The following CHRNA5 variants were observed in gnomAD, a reference collection of about 807,000 sequenced individuals.
CHRNA5 encodes neuronal acetylcholine receptor subunit alpha-5.
In CHRNA5, 28 loss-of-function variants were observed where a neutral mutation model predicts 41.2. The observed-to-expected ratio is 0.68, with a 90% CI of 0.50 to 0.93. CHRNA5 has a LOEUF of 0.93. Ranked by LOEUF, CHRNA5 falls within the 40% of genes least tolerant of loss-of-function variation. CHRNA5 has a pLI of 0.00. For missense variants in CHRNA5, 481 were observed against 581.9 expected, an observed-to-expected ratio of 0.83 and a Z score of 1.78; for synonymous variants, 188 against 205.8, an observed-to-expected ratio of 0.91 and a Z score of 0.74.
At position 78,590,391 on chromosome 15, in the gene CHRNA5, G is replaced by A. The variant is rs776310455; in HGVS notation, c.1000G>A (p.Ala334Thr). The change falls in exon 5 of 6, where the codon GCT (alanine) becomes ACT (threonine). Residue 334 changes from alanine (A) to threonine (T), a missense_variant. Ala to Thr is a moderately conservative substitution (Grantham distance 58, BLOSUM62 0). Transcript: ENST00000299565. ...ACTGTCAATTATGGTAACCGTCTTC[G>A]CTATCAACATTCATCATCGTTCTTC... 24 of 1,613,936 alleles carry A rather than the reference G, an allele frequency of 1.5e-5. No individual in the cohort carries two copies. The South Asian group carries it at 1.6e-4, about 11-fold the overall frequency.
rs546790850 is a variant in CHRNA5 at position 78,591,861 on chromosome 15, A to C, written c.1245+1225A>C. Among the ~76,000 whole-genome samples, 3 of 152,336 alleles carry C rather than the reference A, an allele frequency of 2.0e-5. No homozygotes were observed. In the South Asian group the frequency reaches 6.2e-4, roughly 32 times the overall value. Reference sequence around the variant, plus strand: ...TATTTGGTGGTAGCATAATGAAATTAGTTTATAAGGTTTGGAGCTATCATT... The same window carrying C: ...TATTTGGTGGTAGCATAATGAAATTCGTTTATAAGGTTTGGAGCTATCATT... On this transcript the variant is annotated intron_variant, in intron 5 of 5. Transcript: ENST00000299565.
chr15:78,586,837 C>A, intron 3 of CHRNA5, 148 bp downstream of exon 3: 1 of 665,314 alleles, frequency 1.5e-6, no homozygotes, highest in East Asian at 2.6e-5. Context: ...TGGCAGGACA[C>A]AGAAAGATGA....
intron 1 of CHRNA5, among the ~76,000 whole-genome samples, chr15:78,566,278 C>T (rs2052746660): frequency 6.6e-6 from 1 of 152,162 alleles, no homozygotes; most frequent in African/African-American, 2.4e-5. Context: ...CCCCTACCCA[C>T]CGCAGCATTT....
intron 1 of CHRNA5, among the ~76,000 whole-genome samples, chr15:78,569,821 G>A (rs147340279): frequency 1.3e-3 from 191 of 150,340 alleles, no homozygotes; most frequent in African/African-American, 4.4e-3. Flanking sequence ...TTTTGTTTTT[G>A]TTTTTGTTTT....
intron 1 of CHRNA5, 44 bp downstream of exon 1, chr15:78,565,869 C>T: frequency 8.8e-7 from 1 of 1,134,544 alleles, no homozygotes; most frequent in Non-Finnish European, 1.1e-6. Context: ...CTGGCCCGGA[C>T]TCCACATCGC....
intron 1 of CHRNA5, among the ~76,000 whole-genome samples, chr15:78,566,606 A>T (rs1038853568): frequency 1.3e-5 from 2 of 152,236 alleles, no homozygotes; most frequent in African/African-American, 4.8e-5. Context: ...GTTAAGCAAG[A>T]TATGATTACA....
At chr15:78,591,376 A>AG (rs1387164361) in intron 5 of CHRNA5, 25 of 151,940 alleles carry the variant, frequency 1.6e-4, no homozygotes, top group African/African-American at 5.5e-4. Context: ...GTCTCAAAAA[A>AG]AAAAAAAAAA....
chr15:78,584,811 G>A (rs988010372), intron 2 of CHRNA5, among the ~76,000 whole-genome samples: 51 of 152,326 alleles, frequency 3.3e-4, no homozygotes, highest in African/African-American at 1.0e-3. Flanking sequence ...CAGATACAGG[G>A]ATCAGCAGTT....
At chr15:78,565,761 G>A in exon 1 of CHRNA5, 1 of 1,213,882 alleles carries the variant, frequency 8.2e-7, no homozygotes, top group Non-Finnish European at 1.0e-6. Flanking sequence ...TCCGCCTGCT[G>A]CTCTTGGTCC....
chr15:78,572,850 C>A (rs2052818945), intron 1 of CHRNA5, among the ~76,000 whole-genome samples: 1 of 151,884 alleles, frequency 6.6e-6, no homozygotes, highest in South Asian at 2.1e-4. Context: ...TGTGAGTGAA[C>A]ATGCATGTAA....
At chr15:78,581,638 G>T (rs969775297) in intron 2 of CHRNA5, among the ~76,000 whole-genome samples, 1 of 152,054 alleles carries the variant, frequency 6.6e-6, no homozygotes, top group African/African-American at 2.4e-5. Context: ...TTTATGTTCT[G>T]ATTACAGAAG....
exon 1 of CHRNA5, chr15:78,565,809 G>A: frequency 1.6e-6 from 2 of 1,221,888 alleles, no homozygotes; most frequent in Non-Finnish European, 2.0e-6. Flanking sequence ...CGGGCGCGGC[G>A]GGCGGCGCGC....
chr15:78,590,778 C>A, intron 5 of CHRNA5, 142 bp downstream of exon 5: 1 of 688,616 alleles, frequency 1.5e-6, no homozygotes, highest in Non-Finnish European at 2.4e-6. Context: ...GACATATTTT[C>A]TATAAAAGAT....
At chr15:78,578,339 C>G (rs987359637) in intron 1 of CHRNA5, among the ~76,000 whole-genome samples, 2 of 152,104 alleles carry the variant, frequency 1.3e-5, no homozygotes, top group South Asian at 4.1e-4. Context: ...GAAACCCCAT[C>G]TCTACTAAAA....
At chr15:78,571,989 T>C (rs1411412949) in intron 1 of CHRNA5, among the ~76,000 whole-genome samples, 5 of 152,172 alleles carry the variant, frequency 3.3e-5, no homozygotes, top group Non-Finnish European at 2.9e-5. Context: ...AGGATTTTTT[T>C]TTCAAAAGAG....
chr15:78,573,861 G>T (rs1443829016), intron 1 of CHRNA5, among the ~76,000 whole-genome samples: 1 of 151,004 alleles, frequency 6.6e-6, no homozygotes, highest in Non-Finnish European at 1.5e-5. Flanking sequence ...CACAATCTCG[G>T]CTCACTGCAA....
chr15:78,583,009 C>T (rs2052927363), intron 2 of CHRNA5, among the ~76,000 whole-genome samples: 1 of 152,126 alleles, frequency 6.6e-6, no homozygotes, highest in African/African-American at 2.4e-5. Flanking sequence ...ATCCATAAGA[C>T]AGCCTCTCCT....
intron 4 of CHRNA5, chr15:78,589,165 C>T (rs1007070405): frequency 6.6e-6 from 1 of 152,242 alleles, no homozygotes. Flanking sequence ...TAATTGAAAA[C>T]ATTTTTATAT....
At chr15:78,593,195 TTATTTA>T in exon 6 of CHRNA5, 2 of 1,613,750 alleles carry the variant, frequency 1.2e-6, no homozygotes, top group Non-Finnish European at 1.7e-6. Context: ...TTTGTTCCTG[TTATTTA>T]TAAATGGGCA....
Sources: allele counts gnomAD v4.1 joint callset (sites outside exome capture counted in the v4.1 genomes callset), GRCh38; gene constraint gnomAD v4.1.1; transcripts MANE v1.5; gene names NCBI Gene and HGNC (gene_info 2026-07-23, HGNC 2026-07-21).